TRIO: variants seen among roughly 807,000 people sequenced by gnomAD.
TRIO encodes the protein triple functional domain protein.
Under a neutral mutation model 351.9 loss-of-function variants are expected in TRIO, and 58 were observed. That is an observed-to-expected ratio of 0.16 (90% confidence interval 0.13 to 0.21). The LOEUF (loss-of-function observed/expected upper bound fraction) is 0.21, where lower values mean the gene tolerates loss of function less well. TRIO is among the 10% of genes least tolerant of loss of function. The pLI, the probability that TRIO is intolerant of heterozygous loss-of-function variation, is 1.00. For missense variants in TRIO, 3,201 were observed against 4,027.8 expected (o/e 0.79, Z 5.56); for synonymous variants, 1,758 against 1,595.7 (o/e 1.10, Z -2.42).
intron 37 of TRIO, among the ~76,000 whole-genome samples, chr5:14,469,987 T>C (rs575297644): frequency 6.6e-6 from 1 of 152,358 alleles, no homozygotes; most frequent in Non-Finnish European, 1.5e-5. Context: ...ACATCCTCCC[T>C]TCGCTCTCAA....
At chr5:14,436,370 C>A (rs1165335923) in intron 34 of TRIO, among the ~76,000 whole-genome samples, 2 of 152,148 alleles carry the variant, frequency 1.3e-5, no homozygotes, top group African/African-American at 2.4e-5. Context: ...AATTACTTCC[C>A]ACCAGGTCCC....
At chr5:14,190,186 A>G (rs1213815914) in intron 1 of TRIO, among the ~76,000 whole-genome samples, 4 of 152,152 alleles carry the variant, frequency 2.6e-5, no homozygotes, top group Admixed American at 2.6e-4. Flanking sequence ...TCTATTCCAA[A>G]GGAATTGCTT....
chr5:14,330,996 C>T (rs771878200), intron 10 of TRIO, 96 bp downstream of exon 10: 22 of 1,554,980 alleles, frequency 1.4e-5, no homozygotes, highest in African/African-American at 2.7e-5. Context: ...TTAGCATTAG[C>T]TCGATGTGTT....
chr5:14,383,604 T>G (rs1746298404), intron 21 of TRIO, among the ~76,000 whole-genome samples: 1 of 152,258 alleles, frequency 6.6e-6, no homozygotes, highest in African/African-American at 2.4e-5. Flanking sequence ...ATATGACCTT[T>G]CTGATCCTCA....
intron 1 of TRIO, among the ~76,000 whole-genome samples, chr5:14,203,383 A>G (rs532852363): frequency 2.0e-5 from 3 of 152,236 alleles, no homozygotes; most frequent in Non-Finnish European, 4.4e-5. Flanking sequence ...TTTCCCCGCA[A>G]GGACTACAAA....
intron 20 of TRIO, among the ~76,000 whole-genome samples, chr5:14,378,381 A>T (rs1745753105): frequency 6.6e-6 from 1 of 152,214 alleles, no homozygotes; most frequent in African/African-American, 2.4e-5. Flanking sequence ...AGCAAAGTAC[A>T]AGTAATAATG....
chr5:14,222,689 G>A (rs1206246792), intron 1 of TRIO, among the ~76,000 whole-genome samples: 2 of 152,126 alleles, frequency 1.3e-5, no homozygotes, highest in Non-Finnish European at 2.9e-5. Context: ...GTGTTTATGG[G>A]ACCACCTTTT....
chr5:14,458,850 G>T (rs984958257), intron 34 of TRIO, among the ~76,000 whole-genome samples: 3 of 152,158 alleles, frequency 2.0e-5, no homozygotes, highest in African/African-American at 7.2e-5. Flanking sequence ...GAAAGTCCCT[G>T]GGAATGGATT....
At chr5:14,446,635 G>C (rs1456448031) in intron 34 of TRIO, among the ~76,000 whole-genome samples, 2 of 152,144 alleles carry the variant, frequency 1.3e-5, no homozygotes, top group East Asian at 1.9e-4. Context: ...ACCTCCTCCA[G>C]TCTGTGCGAC....
At chr5:14,228,634 A>G (rs1301209625) in intron 1 of TRIO, among the ~76,000 whole-genome samples, 1 of 152,216 alleles carries the variant, frequency 6.6e-6, no homozygotes, top group East Asian at 1.9e-4. Flanking sequence ...CACAAATCAT[A>G]TCATTTTGAC....
In TRIO at chr5:14,509,904, T is replaced by C. The variant is rs1757976726; in HGVS notation, c.*1482T>C. The C allele has an allele frequency of 6.6e-6, 1 of 152,518 alleles. No individual in the cohort carries two copies. The highest frequency in any genetic ancestry group is 2.1e-4 in the South Asian group (1 of 4,852). The allele number at this position is 152,518 out of a possible 1,614,324, so 9.4% of individuals were successfully genotyped here. A position where few individuals can be genotyped will look rare whatever the true frequency, so the allele number is the denominator to read the frequency against. ...CTGGGTCTTGAGCCATAAACTGGCGTAGTTAAGCTTTGCAGCTTCCAGTGT... is the reference window on the plus strand; with the variant it reads ...CTGGGTCTTGAGCCATAAACTGGCGCAGTTAAGCTTTGCAGCTTCCAGTGT... On this transcript the variant is annotated 3_prime_UTR_variant, in exon 57 of 57. Coordinates refer to ENST00000344204, the MANE Select transcript of TRIO (RefSeq NM_007118.4).
chr5:14,489,772 G>C (rs914884455), intron 48 of TRIO, among the ~76,000 whole-genome samples: 2 of 152,216 alleles, frequency 1.3e-5, no homozygotes, highest in Non-Finnish European at 2.9e-5. Context: ...CTGTCTCTGA[G>C]GCCAAGGCGC....
At chr5:14,412,520 G>C (rs754498105) in intron 33 of TRIO, among the ~76,000 whole-genome samples, 1 of 152,134 alleles carries the variant, frequency 6.6e-6, no homozygotes, top group Admixed American at 6.5e-5. Context: ...GCAGTCCTGC[G>C]TTCTGCCTCT....
chr5:14,371,030 C>T (rs1370927802), intron 18 of TRIO, among the ~76,000 whole-genome samples: 1 of 152,192 alleles, frequency 6.6e-6, no homozygotes, highest in Admixed American at 6.5e-5. Context: ...ACATCAAATG[C>T]TATACAACCA....
intron 1 of TRIO, among the ~76,000 whole-genome samples, chr5:14,171,979 T>A (rs1789122263): frequency 6.6e-6 from 1 of 152,208 alleles, no homozygotes; most frequent in African/African-American, 2.4e-5. Flanking sequence ...CCATTCCTCT[T>A]ATGTTTTGAA....
rs746813977 is a variant in TRIO, at chr5:14,273,405, T to C, written c.232+2506T>C. Among the ~76,000 whole-genome samples, 3 of 152,238 alleles carry C rather than the reference T, an allele frequency of 2.0e-5. No homozygotes were observed. In the South Asian group the frequency reaches 6.2e-4, roughly 32 times the overall value. On this transcript the variant is annotated intron_variant, in intron 2 of 56. Coordinates refer to ENST00000344204, the MANE Select transcript of TRIO (RefSeq NM_007118.4). ...CTGATTGCACTTAAGTAAGATAGAA[T>C]GTACTACTTCCTTCATTTAGGATGA...
At chr5:14,210,640 T>G (rs1337121511) in intron 1 of TRIO, among the ~76,000 whole-genome samples, 1 of 152,202 alleles carries the variant, frequency 6.6e-6, no homozygotes, top group African/African-American at 2.4e-5. Flanking sequence ...TATGATTGTT[T>G]TGGGGAAAAA....
chr5:14,453,240 G>A lies in TRIO; in HGVS notation c.5204-7779G>A, dbSNP rs58696609. Among the ~76,000 whole-genome samples the A allele has an allele frequency of 9.8e-3, 1,491 of 152,152 alleles. 16 individuals carry two copies. The highest frequency in any genetic ancestry group is 0.034 in the African/African-American group (1,409 of 41,514). Reference sequence around the variant, plus strand: ...CAGATCACAGATGGCTTTCTCATGCGCACAGCTGAACATCTTTTTAAGTGA... The same window carrying A: ...CAGATCACAGATGGCTTTCTCATGCACACAGCTGAACATCTTTTTAAGTGA... On this transcript the variant is annotated intron_variant, in intron 34 of 56. Coordinates refer to ENST00000344204, the MANE Select transcript of TRIO (RefSeq NM_007118.4).
rs1440848092 is a variant in TRIO, at chr5:14,492,744, G to A, written c.7810G>A (p.Gly2604Ser). The A allele has an allele frequency of 1.9e-6, 3 of 1,614,176 alleles. No homozygotes were observed. Among genetic ancestry groups the A allele is most frequent in the South Asian group, 2.2e-5 (2 of 91,086 alleles). Residue 2604 changes from glycine (G) to serine (S), a missense_variant, in exon 49 of 57, where the codon GGC becomes AGC. Gly to Ser is a moderately conservative substitution (Grantham distance 56). Transcript: ENST00000344204. ...AATDQCPAAE[G>S]WIPGFVLGHT... ...CACTGACCAGTGCCCCGCAGCTGAG[G>A]GCTGGATTCCAGGCTTTGTCCTGGG...
Sources: allele counts gnomAD v4.1 joint callset (sites outside exome capture counted in the v4.1 genomes callset), GRCh38; gene constraint gnomAD v4.1.1; transcripts MANE v1.5; gene names NCBI Gene and HGNC (gene_info 2026-07-23, HGNC 2026-07-21).